IL1RAPL1: variants seen among roughly 807,000 people sequenced by gnomAD.
IL1RAPL1 encodes interleukin 1 receptor accessory protein like 1.
IL1RAPL1 carries 3 observed loss-of-function variants against 48.4 expected under a neutral mutation model. That is an observed-to-expected ratio of 0.06 (90% CI 0.03 to 0.16). The LOEUF (loss-of-function observed/expected upper bound fraction) is 0.16, where lower values mean the gene tolerates loss of function less well. IL1RAPL1 is among the 10% of genes least tolerant of loss of function. The probability of loss-of-function intolerance (pLI) is 1.00; values close to 1 mark genes in which losing one functional copy is unlikely to be tolerated. For synonymous variants in IL1RAPL1, 185 were observed against 187.7 expected (o/e 0.99, Z 0.12); for missense variants, 349 against 530.6 (o/e 0.66, Z 3.36).
rs192405562 is a variant in IL1RAPL1 at position 29,857,118 on chromosome X, C to T, written c.779-60346C>T. Among the ~76,000 whole-genome samples the T allele has an allele frequency of 2.7e-4, 30 of 111,188 alleles. 1 individual carries two copies. The highest frequency in any genetic ancestry group is 9.8e-5 in the African/African-American group (3 of 30,696). ...AATTTTGCCTGAAAATTGCATAACA[C>T]GAGTTCACTGATAAGAAAAGCAATT... On this transcript the variant is annotated intron_variant, in intron 6 of 10. Coordinates refer to ENST00000378993, the MANE Select transcript of IL1RAPL1 (RefSeq NM_014271.4).
intron 6 of IL1RAPL1, among the ~76,000 whole-genome samples, chrX:29,889,239 A>G (rs1012627208): frequency 8.9e-6 from 1 of 111,777 alleles, no homozygotes; most frequent in Admixed American, 9.5e-5. Flanking sequence ...TATAAGGTTT[A>G]GATTCACTGC....
chrX:28,943,161 T>C (rs1463061805), intron 2 of IL1RAPL1, among the ~76,000 whole-genome samples: 9 of 102,656 alleles, frequency 8.8e-5, no homozygotes, highest in Admixed American at 3.2e-4. Flanking sequence ...TGATATATAA[T>C]GGGCAATGAA....
At chrX:29,219,688 A>G (rs760654283) in intron 2 of IL1RAPL1, among the ~76,000 whole-genome samples, 2 of 111,640 alleles carry the variant, frequency 1.8e-5, no homozygotes, top group African/African-American at 6.5e-5. Context: ...CTGAAATTTA[A>G]TCAGAGCACT....
intron 3 of IL1RAPL1, among the ~76,000 whole-genome samples, chrX:29,388,035 C>T (rs1261962478): frequency 9.8e-6 from 1 of 101,525 alleles, no homozygotes; most frequent in Non-Finnish European, 2.0e-5. Flanking sequence ...ATTTCAAAAC[C>T]CCAGAAAATG....
chrX:29,756,331 G>A (rs1404566408), intron 6 of IL1RAPL1, among the ~76,000 whole-genome samples: 5 of 111,837 alleles, frequency 4.5e-5, no homozygotes, highest in Admixed American at 3.8e-4. Context: ...CAGGAATTAG[G>A]GAAGAGGTGA....
At position 29,926,533 on chromosome X, in the gene IL1RAPL1, T is replaced by TTC. The variant is rs758886701; in HGVS notation, c.1057+6445_1057+6446dup. On this transcript the variant is annotated intron_variant, in intron 8 of 10. Transcript: ENST00000378993. ...CTTGATACAGATCTTTAACTAGTATTTCTCTCTTACATGCTTCAAAGTACC... is the reference window on the plus strand; with the variant it reads ...CTTGATACAGATCTTTAACTAGTATTTCTCTCTCTTACATGCTTCAAAGTACC... Among the ~76,000 whole-genome samples the TTC allele has an allele frequency of 3.6e-5, 4 of 112,341 alleles. No individual in the cohort carries two copies. In the South Asian group the frequency reaches 1.5e-3, roughly 41 times the overall value.
intron 2 of IL1RAPL1, among the ~76,000 whole-genome samples, chrX:29,191,258 C>A (rs927075194): frequency 1.8e-5 from 2 of 111,648 alleles, no homozygotes; most frequent in African/African-American, 6.5e-5. Flanking sequence ...AATAAATAAG[C>A]ACTACGTATA....
At chrX:29,496,308 T>C (rs745826408) in intron 5 of IL1RAPL1, among the ~76,000 whole-genome samples, 9 of 110,478 alleles carry the variant, frequency 8.1e-5, no homozygotes, top group African/African-American at 2.6e-4. Context: ...TCATGTTGAG[T>C]TGTAATCTCC....
At chrX:28,939,722 C>T (rs1230876410) in intron 2 of IL1RAPL1, among the ~76,000 whole-genome samples, 1 of 111,535 alleles carries the variant, frequency 9.0e-6, no homozygotes, top group Non-Finnish European at 1.9e-5. Flanking sequence ...TCTTTTCTCT[C>T]ATGTTTTTAT....
At chrX:29,371,122 T>A (rs1212510873) in intron 3 of IL1RAPL1, among the ~76,000 whole-genome samples, 1 of 95,122 alleles carries the variant, frequency 1.1e-5, no homozygotes, top group Non-Finnish European at 2.1e-5. Flanking sequence ...CCTATCTAAA[T>A]GTACTTTTTT....
chrX:29,728,325 C>T (rs1185048319), intron 6 of IL1RAPL1, among the ~76,000 whole-genome samples: 2 of 111,715 alleles, frequency 1.8e-5, no homozygotes, highest in African/African-American at 6.5e-5. Flanking sequence ...ACTCATTCAA[C>T]CCAACTTGAA....
intron 3 of IL1RAPL1, among the ~76,000 whole-genome samples, chrX:29,345,750 A>C (rs187851888): frequency 8.6e-4 from 96 of 111,601 alleles, no homozygotes; most frequent in Middle Eastern, 4.7e-3. Context: ...TTTATAATCC[A>C]TCTAGCATTT....
intron 5 of IL1RAPL1, among the ~76,000 whole-genome samples, chrX:29,657,046 G>T (rs1056907388): frequency 9.0e-6 from 1 of 111,247 alleles, no homozygotes; most frequent in Admixed American, 9.6e-5. Flanking sequence ...ACCCTTCATG[G>T]CTTCCTTCAT....
At chrX:29,055,909 C>A (rs1302733019) in intron 2 of IL1RAPL1, among the ~76,000 whole-genome samples, 2 of 111,572 alleles carry the variant, frequency 1.8e-5, no homozygotes, top group African/African-American at 6.5e-5. Flanking sequence ...TAGATTTAAT[C>A]ATAAAATGAT....
At chrX:29,532,034 G>C (rs753532520) in intron 5 of IL1RAPL1, among the ~76,000 whole-genome samples, 1 of 111,082 alleles carries the variant, frequency 9.0e-6, no homozygotes, top group South Asian at 3.8e-4. Flanking sequence ...CGCGGGGAGA[G>C]GGGGGGCGCA....
intron 1 of IL1RAPL1, among the ~76,000 whole-genome samples, chrX:28,634,651 G>T (rs1934443976): frequency 9.1e-6 from 1 of 109,963 alleles, no homozygotes; most frequent in South Asian, 3.8e-4. Context: ...ATTATTTTGT[G>T]TCACAATGAT....
chrX:29,953,824 C>T (rs1330228886), intron 9 of IL1RAPL1, among the ~76,000 whole-genome samples: 1 of 110,726 alleles, frequency 9.0e-6, no homozygotes, highest in African/African-American at 3.3e-5. Context: ...TTTTCTCTCT[C>T]TTTTTTCAAC....
chrX:28,775,199 G>A (rs918169975), intron 1 of IL1RAPL1, among the ~76,000 whole-genome samples: 3 of 111,717 alleles, frequency 2.7e-5, no homozygotes, highest in Non-Finnish European at 5.6e-5. Flanking sequence ...CACAAACAGG[G>A]TAGCTTGAAA....
chrX:29,102,006 G>C (rs1275014208), intron 2 of IL1RAPL1, among the ~76,000 whole-genome samples: 3 of 111,772 alleles, frequency 2.7e-5, no homozygotes, highest in African/African-American at 9.8e-5. Context: ...TGTGAGGATG[G>C]TTCAACATAG....
Sources: gnomAD v4.1 joint callset for allele counts (sites outside exome capture counted in the v4.1 genomes callset) on GRCh38, gnomAD v4.1.1 for gene constraint, MANE v1.5 for transcripts, NCBI Gene and HGNC (gene_info 2026-07-23, HGNC 2026-07-21) for gene names.